The following DNAH14 variants were observed in gnomAD, a reference collection of about 807,000 sequenced individuals.
DNAH14 encodes axonemal beta dynein heavy chain 14.
DNAH14 carries 478 observed loss-of-function variants against 520.9 expected under a neutral mutation model. That is an observed-to-expected ratio of 0.92 (90% CI 0.85 to 0.99). The LOEUF is 0.99. DNAH14 is among the 50% of genes least tolerant of loss of function. The pLI, the probability that DNAH14 is intolerant of heterozygous loss-of-function variation, is 0.00. For synonymous variants in DNAH14, 1,581 were observed against 1,757.2 expected (o/e 0.90, Z 2.51); for missense variants, 4,831 against 5,234.5 (o/e 0.92, Z 2.38).
intron 33 of DNAH14, among the ~76,000 whole-genome samples, chr1:225,153,183 C>T (rs9725695): frequency 0.31 from 47,541 of 151,962 alleles, 8,638 homozygotes; most frequent in East Asian, 0.61. Context: ...AGGAAGTTAA[C>T]ATCTAGAGCG....
In DNAH14 at chr1:225,335,654, CATAT is replaced by C. The variant is rs771539778; in HGVS notation, c.10081-1608_10081-1605del. Among the ~76,000 whole-genome samples the C allele has an allele frequency of 3.8e-4, 45 of 117,826 alleles. 2 individuals are homozygous for C. The highest frequency in any genetic ancestry group is 5.8e-4 in the Non-Finnish European group (33 of 57,296). The allele number at this position is 117,826 out of a possible 152,430, so 77.3% of individuals were successfully genotyped here. A position where few individuals can be genotyped will look rare whatever the true frequency, so the allele number is the denominator to read the frequency against. On this transcript the variant is annotated intron_variant, in intron 66 of 85. Transcript: ENST00000682510. ...ACATATGTGCATATATGTATATACG[CATAT>C]ATACATATGTGCATATATGTATATA...
chr1:224,930,721 C>A (rs765429054), intron 1 of DNAH14, among the ~76,000 whole-genome samples: 2 of 152,130 alleles, frequency 1.3e-5, no homozygotes, highest in Non-Finnish European at 2.9e-5. Context: ...CCTCAGCCTC[C>A]GGAGTAGCTG....
In DNAH14 at chr1:225,289,886, T is replaced by A; in HGVS notation, c.8273T>A (p.Ile2758Asn). 1 of 1,380,398 alleles carries A rather than the reference T, an allele frequency of 7.2e-7. No homozygotes were observed. The highest frequency in any genetic ancestry group is 1.9e-5 in the South Asian group (1 of 52,114). 85.5% of individuals were successfully genotyped at this position (1,380,398 alleles called of 1,614,324 possible). Residue 2758 changes from isoleucine (I) to asparagine (N), a missense_variant and splice_region_variant, in exon 55 of 86, where the codon ATT (isoleucine) becomes AAT (asparagine). Physicochemically the swap from Ile to Asn is moderately radical, Grantham distance 149. Transcript: ENST00000682510. ...TGTTGTATTTCTTTTCTCCCAAAGA[T>A]TGGAATAGATGGATGTGGGAAAAAA... ...LRQPGSHMLL[I>N]GIDGCGKKTC...
At chr1:225,345,523 A>G (rs2095272921) in intron 69 of DNAH14, among the ~76,000 whole-genome samples, 1 of 152,256 alleles carries the variant, frequency 6.6e-6, no homozygotes, top group African/African-American at 2.4e-5. Flanking sequence ...GTCATTGGTC[A>G]TGATCAGTTT....
chr1:225,222,881 G>A (rs2090179587), intron 41 of DNAH14, among the ~76,000 whole-genome samples: 1 of 152,100 alleles, frequency 6.6e-6, no homozygotes. Context: ...GGGAACAAGT[G>A]GGGAGAAATT....
intron 71 of DNAH14, among the ~76,000 whole-genome samples, chr1:225,347,435 T>A (rs1367962952): frequency 6.6e-6 from 1 of 152,140 alleles, no homozygotes; most frequent in Non-Finnish European, 1.5e-5. Flanking sequence ...GTGGAACAAC[T>A]GACAGGAAAT....
chr1:225,144,893 TTG>T (rs71943763), intron 29 of DNAH14, among the ~76,000 whole-genome samples: 30,010 of 148,942 alleles, frequency 0.2, 6,105 homozygotes, highest in African/African-American at 0.51. Flanking sequence ...ATTAATATCA[TTG>T]TGTGTGTGTG....
At chr1:224,931,357 A>G (rs985874795) in intron 1 of DNAH14, among the ~76,000 whole-genome samples, 2 of 152,172 alleles carry the variant, frequency 1.3e-5, no homozygotes, top group African/African-American at 4.8e-5. Flanking sequence ...TTATTTTTAT[A>G]TTTAAATGTT....
chr1:225,084,364 G>A (rs3105563), intron 20 of DNAH14, among the ~76,000 whole-genome samples: 121,232 of 151,984 alleles, frequency 0.8, 51,714 homozygotes, highest in Non-Finnish European at 0.96. Flanking sequence ...AGGATTTGGC[G>A]CAGAAACTCA....
At position 225,246,909 on chromosome 1, in the gene DNAH14, A is replaced by G. The variant is rs1444811388; in HGVS notation, c.6749-5392A>G. Among the ~76,000 whole-genome samples the G allele has an allele frequency of 2.0e-5, 3 of 152,240 alleles. No homozygotes were observed. In the South Asian group the frequency reaches 6.2e-4, roughly 32 times the overall value. ...CCCAAAGGAATATAATCATTCTACTATAAAGAAACATGCACACGTATGTTT... is the reference window on the plus strand; with the variant it reads ...CCCAAAGGAATATAATCATTCTACTGTAAAGAAACATGCACACGTATGTTT... On this transcript the variant is annotated intron_variant, in intron 43 of 85. Coordinates refer to ENST00000682510, the MANE Select transcript of DNAH14 (RefSeq NM_001367479.1).
chr1:225,352,342 A>G (rs114376965), intron 72 of DNAH14, among the ~76,000 whole-genome samples: 2,351 of 152,048 alleles, frequency 0.015, 64 homozygotes, highest in African/African-American at 0.054. Context: ...TAACACCCCC[A>G]CTCAGAATAC....
chr1:225,079,194 A>G lies in DNAH14; in HGVS notation c.2425-13A>G. 1 of 1,525,502 alleles carries G rather than the reference A, an allele frequency of 6.6e-7. No homozygotes were observed. Among genetic ancestry groups the G allele is most frequent in the Non-Finnish European group, 8.8e-7 (1 of 1,139,086 alleles). 94.5% of individuals were successfully genotyped at this position (1,525,502 alleles called of 1,614,324 possible). On this transcript the variant is annotated splice_polypyrimidine_tract_variant and intron_variant, in intron 17 of 85. Coordinates refer to ENST00000682510, the MANE Select transcript of DNAH14 (RefSeq NM_001367479.1). ...AAGTCATTACACAATTATAATTGACATGTTGATTTCAGGTTGTGGAATCAT... is the reference window on the plus strand; with the variant it reads ...AAGTCATTACACAATTATAATTGACGTGTTGATTTCAGGTTGTGGAATCAT...
chr1:225,107,480 G>C (rs2076158424), intron 23 of DNAH14, among the ~76,000 whole-genome samples: 1 of 152,150 alleles, frequency 6.6e-6, no homozygotes, highest in Non-Finnish European at 1.5e-5. Context: ...GGAACACCAG[G>C]GTTCTTTGTC....
intron 36 of DNAH14, among the ~76,000 whole-genome samples, chr1:225,174,572 G>C (rs909081642): frequency 4.6e-5 from 7 of 152,104 alleles, no homozygotes; most frequent in Admixed American, 4.6e-4. Flanking sequence ...AAAGCTTTTT[G>C]GTGGAGTCGT....
In DNAH14 at chr1:225,240,837, A is replaced by T. The variant is rs747308234; in HGVS notation, c.6748+15A>T. The T allele has an allele frequency of 1.1e-4, 158 of 1,481,040 alleles. 2 individuals are homozygous for T. The Middle Eastern group carries it at 7.5e-3, about 70-fold the overall frequency. 91.7% of individuals were successfully genotyped at this position (1,481,040 alleles called of 1,614,324 possible). A position where few individuals can be genotyped will look rare whatever the true frequency, so the allele number is the denominator to read the frequency against. The stretch of plus-strand genomic sequence containing the variant: ...TTCACAAGTAGGTAAGTTCTGTGGG[A>T]AAAATCATAACTATACTTATTTTAA... On this transcript the variant is annotated intron_variant, in intron 43 of 85. Coordinates refer to ENST00000682510, the MANE Select transcript of DNAH14 (RefSeq NM_001367479.1).
rs1207928806 is a variant in DNAH14, at chr1:225,152,732, A to G, written c.5045A>G (p.Lys1682Arg). The G allele has an allele frequency of 6.4e-7, 1 of 1,550,778 alleles. No individual in the cohort carries two copies. The highest frequency in any genetic ancestry group is 1.4e-5 in the African/African-American group (1 of 72,978). Residue 1682 changes from lysine (K) to arginine (R), a missense_variant, in exon 33 of 86, where the codon AAA (lysine) becomes AGA (arginine). Lys to Arg is a conservative substitution (Grantham distance 26). Coordinates refer to ENST00000682510, the MANE Select transcript of DNAH14 (RefSeq NM_001367479.1). ...GGGVELPDNL[K>R]SLFRPVAMMV... ...GGAGTAGAGCTCCCAGATAACTTAA[A>G]ATCTCTGTTTCGCCCAGTGGCAATG...
intron 8 of DNAH14, among the ~76,000 whole-genome samples, chr1:224,991,083 G>GC (rs754465585): frequency 1.5e-4 from 14 of 95,900 alleles, no homozygotes; most frequent in Admixed American, 1.9e-4. Context: ...GTGATGTTGA[G>GC]CTTTTTTTTT....
At position 224,967,549 on chromosome 1, in the gene DNAH14, A is replaced by T. The variant is rs771446718; in HGVS notation, c.617A>T (p.Glu206Val). ...GCTCATACTGCTAAACATTGCAAAG[A>T]ATTTTGGGTTATTACTGCTTCATTT... ...VSAHTAKHCK[E>V]FWVITASFIS... is the part of the protein sequence containing the mutation. The change falls in exon 6 of 86, where the codon GAA becomes GTA. Residue 206 changes from glutamate to valine, a missense_variant. Transcript: ENST00000682510. The T allele has an allele frequency of 6.2e-7, 1 of 1,603,552 alleles. No homozygotes were observed.
chr1:225,032,335 G>A (rs987756789), intron 11 of DNAH14, among the ~76,000 whole-genome samples: 4 of 151,958 alleles, frequency 2.6e-5, no homozygotes, highest in East Asian at 3.9e-4. Flanking sequence ...TACAGTATTT[G>A]GTTTTGTGTT....
Sources: allele counts gnomAD v4.1 joint callset (sites outside exome capture counted in the v4.1 genomes callset), GRCh38; gene constraint gnomAD v4.1.1; transcripts MANE v1.5; gene names NCBI Gene and HGNC (gene_info 2026-07-23, HGNC 2026-07-21).